CNOT10: variants seen among roughly 807,000 people sequenced by gnomAD.
The protein encoded by CNOT10 is CCR4-NOT transcription complex, subunit 10.
A neutral mutation model predicts 94.6 loss-of-function variants in CNOT10; 30 were observed. That is an observed-to-expected ratio of 0.32 (90% confidence interval 0.24 to 0.43). The LOEUF is 0.43. Ranked by LOEUF, CNOT10 falls within the 20% of genes least tolerant of loss-of-function variation. CNOT10 has a pLI of 1.00. For missense variants in CNOT10, 759 were observed against 877.2 expected, an observed-to-expected ratio of 0.87 and a Z score of 1.70; for synonymous variants, 289 against 301.6, an observed-to-expected ratio of 0.96 and a Z score of 0.43.
intron 11 of CNOT10, 134 bp downstream of exon 11, chr3:32,733,678 T>C: frequency 1.8e-6 from 1 of 569,708 alleles, no homozygotes; most frequent in Non-Finnish European, 2.9e-6. Context: ...TATTGCTATT[T>C]CAACAAACAG....
chr3:32,687,437 C>CG (rs1559471613), intron 1 of CNOT10, among the ~76,000 whole-genome samples: 27 of 10,132 alleles, frequency 2.7e-3, no homozygotes, highest in Non-Finnish European at 1.8e-3. Context: ...TAAGTCCTCA[C>CG]GGTTTTTTTT....
At chr3:32,724,375 A>G (rs1159031537) in intron 8 of CNOT10, among the ~76,000 whole-genome samples, 1 of 150,002 alleles carries the variant, frequency 6.7e-6, no homozygotes, top group African/African-American at 2.5e-5. Flanking sequence ...CCTCCCGAGT[A>G]ACTGGGATTA....
At chr3:32,745,665 G>T (rs1436084547) in intron 13 of CNOT10, among the ~76,000 whole-genome samples, 1 of 152,232 alleles carries the variant, frequency 6.6e-6, no homozygotes. Context: ...TAACTAAGTT[G>T]TATTACACTT....
chr3:32,768,685 T>A (rs189509516), intron 17 of CNOT10, among the ~76,000 whole-genome samples: 129 of 152,036 alleles, frequency 8.5e-4, no homozygotes, highest in Non-Finnish European at 1.4e-3. Flanking sequence ...CTGAAAAGAG[T>A]TGTTATACCT....
chr3:32,691,042 C>A (rs1175982983), intron 1 of CNOT10, among the ~76,000 whole-genome samples: 2 of 141,308 alleles, frequency 1.4e-5, no homozygotes, highest in African/African-American at 5.3e-5. Flanking sequence ...GTTGCCCAGG[C>A]TGGACTGCAG....
chr3:32,694,782 G>A (rs1190136983), intron 1 of CNOT10, among the ~76,000 whole-genome samples: 1 of 152,078 alleles, frequency 6.6e-6, no homozygotes, highest in Non-Finnish European at 1.5e-5. Flanking sequence ...TAGAGATGGG[G>A]GTTTCACCAT....
chr3:32,705,274 G>C (rs147130646), intron 3 of CNOT10, among the ~76,000 whole-genome samples: 171 of 152,198 alleles, frequency 1.1e-3, no homozygotes, highest in African/African-American at 4.0e-3. Flanking sequence ...GATATATCTT[G>C]TTTATAATGA....
chr3:32,687,195 A>G (rs1156904980), intron 1 of CNOT10, among the ~76,000 whole-genome samples: 2 of 151,928 alleles, frequency 1.3e-5, no homozygotes, highest in Non-Finnish European at 2.9e-5. Context: ...TCTGGCCTTT[A>G]TCTTTTAATA....
At position 32,685,497 on chromosome 3, in the gene CNOT10, T is replaced by G. The variant is rs1183569379; in HGVS notation, c.22+15T>G. ...CAAGCCTGCAGGTAGGGCGCCAATG[T>G]CCCGAGCGACGAGACGGCGGGACGT... On this transcript the variant is annotated intron_variant, in intron 1 of 18. Coordinates refer to ENST00000328834, the MANE Select transcript of CNOT10 (RefSeq NM_015442.3). 6.5e-6 allele frequency: 10 copies of G among 1,549,350 alleles called. No individual in the cohort carries two copies. The Middle Eastern group carries it at 8.3e-4, about 129-fold the overall frequency.
rs1416215699 is a variant in CNOT10, at chr3:32,712,296, C to T, written c.431-931C>T. ...TGCCTTCAGGCAGGTAAAATATTCT[C>T]CTCATTTGACAGGTCAGCCAGCTGA... On this transcript the variant is annotated intron_variant, in intron 4 of 18. Transcript: ENST00000328834. Among the ~76,000 whole-genome samples, 9 of 152,234 alleles carry T rather than the reference C, an allele frequency of 5.9e-5. No individual in the cohort carries two copies. The South Asian group carries it at 1.9e-3, about 32-fold the overall frequency.
intron 1 of CNOT10, 26 bp downstream of exon 1, chr3:32,685,508 G>A: frequency 6.5e-7 from 1 of 1,550,062 alleles, no homozygotes; most frequent in Non-Finnish European, 8.7e-7. Context: ...CCCGAGCGAC[G>A]AGACGGCGGG....
intron 2 of CNOT10, among the ~76,000 whole-genome samples, chr3:32,704,304 T>G (rs6766872): frequency 0.2 from 30,976 of 152,070 alleles, 3,957 homozygotes; most frequent in African/African-American, 0.35. Flanking sequence ...AATATCAGAT[T>G]CAAAAATTAT....
intron 17 of CNOT10, among the ~76,000 whole-genome samples, chr3:32,768,779 C>T (rs1700768323): frequency 6.6e-6 from 1 of 152,152 alleles, no homozygotes; most frequent in African/African-American, 2.4e-5. Flanking sequence ...GCAACATGCC[C>T]CGCTAGTCTG....
intron 1 of CNOT10, chr3:32,687,863 G>GT (rs1222063351): frequency 6.6e-6 from 1 of 152,262 alleles, no homozygotes; most frequent in Non-Finnish European, 1.5e-5. Flanking sequence ...AAAGCATTGT[G>GT]TTTTTTGAGC....
chr3:32,724,008 A>C (rs1394423250), intron 8 of CNOT10, among the ~76,000 whole-genome samples: 2 of 152,140 alleles, frequency 1.3e-5, no homozygotes, highest in East Asian at 3.9e-4. Context: ...TGAGCCCAGG[A>C]GGTCGATGCT....
rs553287189 is a variant in CNOT10 at position 32,690,520 on chromosome 3, G to C, written c.22+5038G>C. Among the ~76,000 whole-genome samples the C allele has an allele frequency of 6.2e-4, 95 of 152,112 alleles. 3 individuals carry two copies. Among genetic ancestry groups the C allele is most frequent in the Non-Finnish European group, 5.9e-5 (4 of 68,014 alleles). The stretch of plus-strand genomic sequence containing the variant: ...TTGCCTTAGCCTCTTGAGTAGTTAG[G>C]ACTACGGGTGTGTACTACTGTATCC... On this transcript the variant is annotated intron_variant, in intron 1 of 18. Coordinates refer to ENST00000328834, the MANE Select transcript of CNOT10 (RefSeq NM_015442.3).
intron 8 of CNOT10, among the ~76,000 whole-genome samples, chr3:32,723,107 T>C (rs997561891): frequency 1.3e-5 from 2 of 151,922 alleles, no homozygotes; most frequent in Non-Finnish European, 2.9e-5. Context: ...AAAAACAATA[T>C]TAAAGGCCGG....
chr3:32,751,975 G>C (rs899711019), intron 13 of CNOT10, among the ~76,000 whole-genome samples: 2 of 152,152 alleles, frequency 1.3e-5, no homozygotes, highest in Non-Finnish European at 2.9e-5. Flanking sequence ...CTGGTGATCA[G>C]ATTGATCACA....
At chr3:32,766,762 A>T (rs978794536) in intron 17 of CNOT10, among the ~76,000 whole-genome samples, 1 of 152,186 alleles carries the variant, frequency 6.6e-6, no homozygotes, top group African/African-American at 2.4e-5. Flanking sequence ...TACCACTGAA[A>T]TGGTGCATCA....
Sources: gnomAD v4.1 joint callset for allele counts (sites outside exome capture counted in the v4.1 genomes callset) on GRCh38, gnomAD v4.1.1 for gene constraint, MANE v1.5 for transcripts, NCBI Gene and HGNC (gene_info 2026-07-23, HGNC 2026-07-21) for gene names.